MYRIP: variants seen among roughly 807,000 people sequenced by gnomAD.
MYRIP encodes the protein myosin VIIA and Rab interacting protein.
In MYRIP, 49 loss-of-function variants were observed where a neutral mutation model predicts 98.0. The observed-to-expected ratio is 0.50, with a 90% CI of 0.40 to 0.63. The LOEUF (loss-of-function observed/expected upper bound fraction) is 0.63, where lower values mean the gene tolerates loss of function less well. Ranked by LOEUF, MYRIP falls within the 30% of genes least tolerant of loss-of-function variation. The pLI is 0.00. For missense variants in MYRIP, 1,004 were observed against 1,058.2 expected, an observed-to-expected ratio of 0.95 and a Z score of 0.71; for synonymous variants, 404 against 409.5, an observed-to-expected ratio of 0.99 and a Z score of 0.16.
intron 2 of MYRIP, among the ~76,000 whole-genome samples, chr3:39,960,106 G>A (rs1945285054): frequency 6.6e-6 from 1 of 152,100 alleles, no homozygotes; most frequent in Admixed American, 6.6e-5. Flanking sequence ...AGTGGGATCA[G>A]CAGTGGATGT....
intron 1 of MYRIP, among the ~76,000 whole-genome samples, chr3:39,818,924 C>A (rs886150261): frequency 2.6e-5 from 4 of 152,152 alleles, no homozygotes; most frequent in African/African-American, 9.7e-5. Context: ...GGAGAAAATA[C>A]ATAGGTATAT....
intron 3 of MYRIP, among the ~76,000 whole-genome samples, chr3:40,106,039 C>T (rs150920940): frequency 5.8e-4 from 88 of 152,170 alleles, no homozygotes; most frequent in Non-Finnish European, 1.2e-3. Context: ...CACCTCCCAC[C>T]AGACCCCACC....
At chr3:40,126,502 G>A (rs1412652413) in intron 3 of MYRIP, among the ~76,000 whole-genome samples, 1 of 152,182 alleles carries the variant, frequency 6.6e-6, no homozygotes, top group Non-Finnish European at 1.5e-5. Flanking sequence ...CAAAAAAATA[G>A]CATGTATTGA....
At chr3:40,247,750 C>G (rs935942279) in intron 13 of MYRIP, among the ~76,000 whole-genome samples, 3 of 152,230 alleles carry the variant, frequency 2.0e-5, no homozygotes, top group Admixed American at 2.0e-4. Context: ...TCTCAAACTC[C>G]TGACCTCAAG....
chr3:40,171,167 A>G (rs1360188808), intron 8 of MYRIP, among the ~76,000 whole-genome samples: 2 of 152,014 alleles, frequency 1.3e-5, no homozygotes, highest in Non-Finnish European at 2.9e-5. Flanking sequence ...CCAAACAAGT[A>G]GAAGACGCCA....
intron 3 of MYRIP, among the ~76,000 whole-genome samples, chr3:40,148,782 C>G (rs1950059806): frequency 6.6e-6 from 1 of 152,108 alleles, no homozygotes; most frequent in South Asian, 2.1e-4. Flanking sequence ...TTGCAAATGT[C>G]TGGTGATTTC....
At chr3:40,119,288 G>A (rs551189264) in intron 3 of MYRIP, among the ~76,000 whole-genome samples, 1 of 152,142 alleles carries the variant, frequency 6.6e-6, no homozygotes, top group East Asian at 1.9e-4. Context: ...GGTGTGAGAT[G>A]GTATCTCATT....
chr3:39,888,507 A>C (rs1943378562), intron 1 of MYRIP, among the ~76,000 whole-genome samples: 1 of 152,172 alleles, frequency 6.6e-6, no homozygotes, highest in Non-Finnish European at 1.5e-5. Context: ...TCCCTTCCTT[A>C]TACCTTATAC....
chr3:40,070,232 T>G (rs1340087702), intron 3 of MYRIP, among the ~76,000 whole-genome samples: 1 of 152,138 alleles, frequency 6.6e-6, no homozygotes, highest in Admixed American at 6.5e-5. Context: ...TTCTGAAAGA[T>G]TTTTCTCCCT....
chr3:40,084,285 A>ATC (rs1948553641), intron 3 of MYRIP, among the ~76,000 whole-genome samples: 1 of 120,832 alleles, frequency 8.3e-6, no homozygotes, highest in African/African-American at 3.0e-5. Flanking sequence ...TCTATGTATT[A>ATC]TATATCGATA....
At chr3:40,190,716 G>T (rs1337178038) in intron 10 of MYRIP, among the ~76,000 whole-genome samples, 1 of 152,148 alleles carries the variant, frequency 6.6e-6, no homozygotes, top group African/African-American at 2.4e-5. Context: ...AGCAGCATCA[G>T]CACCACCAGG....
chr3:39,997,464 C>G (rs1477349780), intron 2 of MYRIP, among the ~76,000 whole-genome samples: 1 of 152,174 alleles, frequency 6.6e-6, no homozygotes. Context: ...GACACATACA[C>G]CCTCCCAAGA....
At chr3:39,959,365 C>T (rs1000800899) in intron 2 of MYRIP, among the ~76,000 whole-genome samples, 4 of 152,094 alleles carry the variant, frequency 2.6e-5, no homozygotes, top group Admixed American at 6.6e-5. Flanking sequence ...GAGTTCATGT[C>T]CTTTGTAGGG....
chr3:40,231,862 C>T lies in MYRIP; in HGVS notation c.1906-1997C>T, dbSNP rs1952668961. On this transcript the variant is annotated intron_variant, in intron 11 of 16. Coordinates refer to ENST00000302541, the MANE Select transcript of MYRIP (RefSeq NM_015460.4). Reference sequence around the variant, plus strand: ...AAATAAGGGGCAATTTTTCTAAACACGTTTTATTCCTAATAAAAGGGTAAC... The same window carrying T: ...AAATAAGGGGCAATTTTTCTAAACATGTTTTATTCCTAATAAAAGGGTAAC... Among the ~76,000 whole-genome samples, 11 of 152,154 alleles carry T rather than the reference C, an allele frequency of 7.2e-5. No homozygotes were observed. The South Asian group carries it at 1.7e-3, about 23-fold the overall frequency.
At position 40,139,673 on chromosome 3, in the gene MYRIP, G is replaced by A. The variant is rs191776900; in HGVS notation, c.333-11375G>A. Among the ~76,000 whole-genome samples the A allele has an allele frequency of 2.0e-5, 3 of 152,232 alleles. No individual in the cohort carries two copies. The East Asian group carries it at 5.8e-4, about 29-fold the overall frequency. On this transcript the variant is annotated intron_variant, in intron 3 of 16. Transcript: ENST00000302541. ...TAGCTCACTGCCACTTCAAACTCCTGGTCTCAAGCAATCCTCCTGCTTCAG... is the reference window on the plus strand; with the variant it reads ...TAGCTCACTGCCACTTCAAACTCCTAGTCTCAAGCAATCCTCCTGCTTCAG...
intron 1 of MYRIP, among the ~76,000 whole-genome samples, chr3:39,840,916 G>T (rs1287674746): frequency 6.6e-6 from 1 of 152,048 alleles, no homozygotes; most frequent in East Asian, 1.9e-4. Flanking sequence ...TTTCAACCTT[G>T]GAGAATCTGA....
At chr3:40,209,233 A>G (rs1951857085) in intron 10 of MYRIP, 1 of 152,296 alleles carries the variant, frequency 6.6e-6, no homozygotes, top group South Asian at 2.1e-4. Flanking sequence ...TCCCATGCTA[A>G]TCAGTGATGG....
intron 1 of MYRIP, among the ~76,000 whole-genome samples, chr3:39,868,745 A>G (rs935975005): frequency 2.0e-5 from 3 of 152,154 alleles, no homozygotes; most frequent in Admixed American, 6.5e-5. Flanking sequence ...GTGCAAACCA[A>G]TGAATCCAAA....
At chr3:40,122,986 A>T (rs1360893177) in intron 3 of MYRIP, among the ~76,000 whole-genome samples, 1 of 152,236 alleles carries the variant, frequency 6.6e-6, no homozygotes. Flanking sequence ...GGTAATAAGC[A>T]TAGTACCCAA....
Sources: gnomAD v4.1 joint callset for allele counts (sites outside exome capture counted in the v4.1 genomes callset) on GRCh38, gnomAD v4.1.1 for gene constraint, MANE v1.5 for transcripts, NCBI Gene and HGNC (gene_info 2026-07-23, HGNC 2026-07-21) for gene names.